Variants in EMC1 observed in about 807,000 individuals in gnomAD.
EMC1 encodes the protein ER membrane protein complex subunit 1, also known as KIAA0090.
EMC1 carries 103 observed loss-of-function variants against 128.8 expected under a neutral mutation model. The ratio of observed to expected loss-of-function variants is 0.80; its 90% CI spans 0.68 to 0.94. The LOEUF is 0.94. Among genes scored for constraint, EMC1 ranks in the 40% least tolerant of loss-of-function variants. The probability of loss-of-function intolerance (pLI) is 0.00; values close to 1 mark genes in which losing one functional copy is unlikely to be tolerated. For synonymous variants in EMC1, 442 were observed against 490.4 expected, an observed-to-expected ratio of 0.90 and a Z score of 1.30; for missense variants, 1,083 against 1,250.6, an observed-to-expected ratio of 0.87 and a Z score of 2.02.
chr1:19,245,183 A>AT (rs2093626233), intron 1 of EMC1, among the ~76,000 whole-genome samples, 153 bp from the exon 2 acceptor site: 1 of 152,202 alleles, frequency 6.6e-6, no homozygotes, highest in Non-Finnish European at 1.5e-5. Context: ...CACACCTGTA[A>AT]TCCCAACACT....
At chr1:19,233,469 A>G (rs10917240) in intron 13 of EMC1, among the ~76,000 whole-genome samples, 29,016 of 152,212 alleles carry the variant, frequency 0.19, 3,578 homozygotes, top group African/African-American at 0.34. Context: ...AGATGCTAAA[A>G]GAAGGTTTCT....
intron 1 of EMC1, 60 bp downstream of exon 1, chr1:19,251,355 A>G (rs2151970124): frequency 7.0e-7 from 1 of 1,436,668 alleles, no homozygotes; most frequent in Non-Finnish European, 9.8e-7. Flanking sequence ...TTTAGCAGGT[A>G]GGAGACAGGT....
Position 19,219,692 on chromosome 1 carries a change from C to T in EMC1, c.2679G>A (p.Glu893=). ...CATCTGGAGAATACGGGATTAAGTT[C>T]TCCTCTCTGCAAAACACCAGCCGGG... The part of the protein sequence containing the change: ...PEIPTEQSRE[E]NLIPYSPDVQ... The change falls in exon 22 of 23, where the codon GAG becomes GAA. Residue 893 remains glutamate (E), a synonymous_variant. Transcript: ENST00000477853. The T allele has an allele frequency of 6.2e-7, 1 of 1,614,074 alleles. No homozygotes were observed. Among genetic ancestry groups the T allele is most frequent in the Non-Finnish European group, 8.5e-7 (1 of 1,180,014 alleles).
At chr1:19,237,921 TA>T (rs2093578006) in intron 11 of EMC1, 95 bp downstream of exon 11, 3 of 1,472,158 alleles carry the variant, frequency 2.0e-6, no homozygotes, top group Admixed American at 4.6e-5. Context: ...TTAGAGAGCC[TA>T]ATCCAAGCCC....
chr1:19,222,477 CTT>C, intron 20 of EMC1, 145 bp downstream of exon 20: 1 of 670,328 alleles, frequency 1.5e-6, no homozygotes. Context: ...AACTAAGAAA[CTT>C]TTTCCACCGA....
intron 2 of EMC1, chr1:19,244,569 G>T (rs186840407): frequency 1.4e-4 from 36 of 262,080 alleles, no homozygotes; most frequent in Non-Finnish European, 2.4e-4. Context: ...ACGCCACCAT[G>T]CCTGATTTTT....
intron 20 of EMC1, chr1:19,221,897 T>G (rs1571971668): frequency 6.6e-6 from 1 of 151,988 alleles, no homozygotes; most frequent in Non-Finnish European, 1.5e-5. Flanking sequence ...CGAAACCCCA[T>G]CTCTACTAAA....
intron 19 of EMC1, 166 bp from the exon 20 acceptor site, chr1:19,223,000 A>T (rs2093443647): frequency 1.7e-6 from 1 of 602,812 alleles, no homozygotes; most frequent in Non-Finnish European, 2.9e-6. Flanking sequence ...CTTTCAAAGT[A>T]GTTTTATCTA....
At chr1:19,236,998 G>A (rs557092433) in intron 12 of EMC1, 144 bp downstream of exon 12, 33 of 472,326 alleles carry the variant, frequency 7.0e-5, no homozygotes, top group African/African-American at 6.4e-4. Flanking sequence ...AAAAGCAGGT[G>A]ACATTTGGCT....
intron 21 of EMC1, chr1:19,220,097 C>T (rs2093420037): frequency 5.0e-6 from 1 of 201,072 alleles, no homozygotes; most frequent in African/African-American, 2.3e-5. Context: ...GTGTCTTTTC[C>T]TAGCTTTAAC....
rs1214290146 is a variant in EMC1, at chr1:19,233,068, G to A, written c.1500C>T (p.Ser500=). 1 of 1,614,068 alleles carries A rather than the reference G, an allele frequency of 6.2e-7. No homozygotes were observed. Among genetic ancestry groups the A allele is most frequent in the Admixed American group, 1.7e-5 (1 of 60,000 alleles). The change falls in exon 14 of 23, where the codon TCC becomes TCT. Residue 500 remains serine, a synonymous_variant. Transcript: ENST00000477853. ...CATCATAAAACATTTTCCAGAGGTG[G>A]GAAGTCCATGCTTGCAGCAGGATAA... The part of the protein sequence containing the change: ...SQLILLQAWT[S]HLWKMFYDAR...
At chr1:19,247,649 G>C (rs1184194269) in intron 1 of EMC1, among the ~76,000 whole-genome samples, 3 of 152,172 alleles carry the variant, frequency 2.0e-5, no homozygotes, top group Admixed American at 1.3e-4. Flanking sequence ...ACTGGTTTAC[G>C]TATCTACTTT....
At chr1:19,220,335 G>A (rs2093422039) in intron 21 of EMC1, 2 of 159,280 alleles carry the variant, frequency 1.3e-5, no homozygotes, top group African/African-American at 4.8e-5. Context: ...CATGATCTCA[G>A]GGGATTTGCA....
intron 15 of EMC1, 40 bp downstream of exon 15, chr1:19,232,584 C>G (rs1215672268): frequency 6.2e-7 from 1 of 1,611,558 alleles, no homozygotes; most frequent in Admixed American, 1.7e-5. Context: ...AGCAAAAAAG[C>G]CACACTGAGT....
chr1:19,237,508 C>A (rs1277384349), intron 11 of EMC1, among the ~76,000 whole-genome samples: 1 of 152,150 alleles, frequency 6.6e-6, no homozygotes, highest in African/African-American at 2.4e-5. Context: ...TAATCACACC[C>A]CACAAAGTGA....
chr1:19,247,458 T>C (rs2093636735), intron 1 of EMC1, among the ~76,000 whole-genome samples: 1 of 152,226 alleles, frequency 6.6e-6, no homozygotes, highest in Non-Finnish European at 1.5e-5. Context: ...ATAATGGAGC[T>C]GAAAAATTCC....
chr1:19,216,318 T>C lies in EMC1; in HGVS notation c.*2985A>G, dbSNP rs1338082288. The stretch of plus-strand genomic sequence containing the variant: ...GATGCCTTACGGAGCACATAACATG[T>C]ACCCACACACAAATAATGAAACTAG... On this transcript the variant is annotated 3_prime_UTR_variant, in exon 23 of 23. Coordinates refer to ENST00000477853, the MANE Select transcript of EMC1 (RefSeq NM_015047.3). 1 of 152,094 alleles carries C rather than the reference T, an allele frequency of 6.6e-6. No individual in the cohort carries two copies. 9.4% of individuals were successfully genotyped at this position (152,094 alleles called of 1,614,324 possible).
chr1:19,250,080 T>C lies in EMC1; in HGVS notation c.95+1335A>G, dbSNP rs11577246. Among the ~76,000 whole-genome samples, 764 of 151,306 alleles carry C rather than the reference T, an allele frequency of 5.0e-3. 5 individuals are homozygous for C. The highest frequency in any genetic ancestry group is 0.016 in the African/African-American group (673 of 41,216). On this transcript the variant is annotated intron_variant, in intron 1 of 22. Coordinates refer to ENST00000477853, the MANE Select transcript of EMC1 (RefSeq NM_015047.3). ...CAAAAATACAAAAATTAGCTGGGTGTGGTGGCGCATGCCTGTAATCCCAGC... is the reference window on the plus strand; with the variant it reads ...CAAAAATACAAAAATTAGCTGGGTGCGGTGGCGCATGCCTGTAATCCCAGC...
intron 1 of EMC1, among the ~76,000 whole-genome samples, chr1:19,250,449 CAT>C (rs752156272): frequency 2.0e-5 from 3 of 152,066 alleles, no homozygotes; most frequent in Non-Finnish European, 2.9e-5. Context: ...GTAACATACA[CAT>C]ATGACATTGT....
Sources: gnomAD v4.1 joint callset for allele counts (sites outside exome capture counted in the v4.1 genomes callset) on GRCh38, gnomAD v4.1.1 for gene constraint, MANE v1.5 for transcripts, NCBI Gene and HGNC (gene_info 2026-07-23, HGNC 2026-07-21) for gene names.